The following GNPTAB variants were observed in gnomAD, a reference collection of about 807,000 sequenced individuals.
GNPTAB encodes N-acetylglucosamine-1-phosphate transferase subunits alpha and beta.
A neutral mutation model predicts 136.6 loss-of-function variants in GNPTAB; 92 were observed. The observed-to-expected ratio is 0.67, with a 90% CI of 0.57 to 0.80. GNPTAB has a LOEUF of 0.80. Among genes scored for constraint, GNPTAB ranks in the 30% least tolerant of loss-of-function variants. The probability of loss-of-function intolerance (pLI) is 0.00; values close to 1 mark genes in which losing one functional copy is unlikely to be tolerated. For synonymous variants in GNPTAB, 512 were observed against 535.1 expected (o/e 0.96, Z 0.60); for missense variants, 1,343 against 1,501.8 (o/e 0.89, Z 1.75).
chr12:101,747,472 A>G (rs145664114), intron 20 of GNPTAB, among the ~76,000 whole-genome samples: 5 of 152,318 alleles, frequency 3.3e-5, no homozygotes, highest in Non-Finnish European at 7.3e-5. Context: ...GAGACCCAAG[A>G]GGATTAAAAT....
At position 101,791,471 on chromosome 12, in the gene GNPTAB, A is replaced by T. The variant is rs76951154; in HGVS notation, c.204-1414T>A. Among the ~76,000 whole-genome samples, 643 of 151,790 alleles carry T rather than the reference A, an allele frequency of 4.2e-3. 7 individuals are homozygous for T. The East Asian group carries it at 0.044, about 10-fold the overall frequency. On this transcript the variant is annotated intron_variant, in intron 2 of 20. Coordinates refer to ENST00000299314, the MANE Select transcript of GNPTAB (RefSeq NM_024312.5). The stretch of plus-strand genomic sequence containing the variant: ...GATAGTTGATGAGCCAAAAAAAAAA[A>T]AATAATAAACCACGCAAAAAAAAAA...
chr12:101,759,069 T>C (rs897712213), intron 16 of GNPTAB, among the ~76,000 whole-genome samples: 70 of 152,020 alleles, frequency 4.6e-4, no homozygotes, highest in African/African-American at 1.5e-3. Flanking sequence ...AATTTTATTA[T>C]ATAAGAATTT....
chr12:101,780,295 A>G lies in GNPTAB; in HGVS notation c.637-9T>C, dbSNP rs1239682300. ...ACTTCTTTATCTGTTGTCTAAAATA[A>G]GGGGAAAAACATAACTCATTTTCCA... On this transcript the variant is annotated splice_polypyrimidine_tract_variant and intron_variant, in intron 6 of 20. Coordinates refer to ENST00000299314, the MANE Select transcript of GNPTAB (RefSeq NM_024312.5). The G allele has an allele frequency of 6.2e-7, 1 of 1,613,906 alleles. No individual in the cohort carries two copies. Among genetic ancestry groups the G allele is most frequent in the South Asian group, 1.1e-5 (1 of 91,068 alleles).
rs752425240 is a variant in GNPTAB, at chr12:101,800,016, C to T, written c.118-3254G>A. On this transcript the variant is annotated intron_variant, in intron 1 of 20. Transcript: ENST00000299314. The stretch of plus-strand genomic sequence containing the variant: ...TCTGACTTGTTTCCATACACTTGTA[C>T]GTGTACTTGAGTTTGTTGGACACTG... 9.9e-5 allele frequency among the ~76,000 whole-genome samples: 15 copies of T among 152,192 alleles called. No individual in the cohort carries two copies. The East Asian group carries it at 2.3e-3, about 23-fold the overall frequency.
intron 13 of GNPTAB, among the ~76,000 whole-genome samples, chr12:101,762,447 T>TA (rs1953012592): frequency 6.6e-6 from 1 of 152,228 alleles, no homozygotes; most frequent in Non-Finnish European, 1.5e-5. Context: ...AAGACATATT[T>TA]AAAGTTTATA....
At chr12:101,766,409 G>T in intron 11 of GNPTAB, 115 bp from the exon 12 acceptor site, 1 of 884,662 alleles carries the variant, frequency 1.1e-6, no homozygotes, top group South Asian at 1.4e-5. Context: ...AGGCAGAGGA[G>T]GCTGGATCAC....
intron 1 of GNPTAB, among the ~76,000 whole-genome samples, chr12:101,814,177 T>C (rs1275059905): frequency 6.6e-6 from 1 of 151,948 alleles, no homozygotes; most frequent in Non-Finnish European, 1.5e-5. Flanking sequence ...CATGAGCCTG[T>C]AGTCCCAGCT....
intron 7 of GNPTAB, among the ~76,000 whole-genome samples, chr12:101,772,652 G>A (rs372997075): frequency 1.3e-5 from 2 of 152,010 alleles, no homozygotes; most frequent in African/African-American, 2.4e-5. Flanking sequence ...CATATGTGCC[G>A]GGTGCTGGGA....
At position 101,824,405 on chromosome 12, in the gene GNPTAB, C is replaced by CATATATAT. The variant is rs373112951; in HGVS notation, c.117+6146_117+6153dup. Among the ~76,000 whole-genome samples, 192 of 47,802 alleles carry CATATATAT rather than the reference C, an allele frequency of 4.0e-3. 5 individuals are homozygous for CATATATAT. Among genetic ancestry groups the CATATATAT allele is most frequent in the African/African-American group, 0.015 (130 of 8,532 alleles). 31.4% of individuals were successfully genotyped at this position (47,802 alleles called of 152,430 possible). A position where few individuals can be genotyped will look rare whatever the true frequency, so the allele number is the denominator to read the frequency against. ...GATCCACTCCTGCCAGAAATTTCACCATATATATATATATATATATATATA... is the reference window on the plus strand; with the variant it reads ...GATCCACTCCTGCCAGAAATTTCACCATATATATATATATATATATATATATATATATA... On this transcript the variant is annotated intron_variant, in intron 1 of 20. Transcript: ENST00000299314.
intron 10 of GNPTAB, among the ~76,000 whole-genome samples, chr12:101,769,144 C>G (rs1185544305): frequency 6.6e-6 from 1 of 152,138 alleles, no homozygotes; most frequent in Non-Finnish European, 1.5e-5. Flanking sequence ...AAGTCTCTAA[C>G]TTATCACTGA....
intron 8 of GNPTAB, among the ~76,000 whole-genome samples, 177 bp from the exon 9 acceptor site, chr12:101,770,762 C>A (rs1280864606): frequency 2.0e-5 from 3 of 152,088 alleles, no homozygotes; most frequent in Non-Finnish European, 4.4e-5. Flanking sequence ...TATTTTTAAA[C>A]CCAAAATTCA....
intron 5 of GNPTAB, among the ~76,000 whole-genome samples, chr12:101,781,151 A>G (rs1461609144): frequency 1.3e-5 from 2 of 152,292 alleles, no homozygotes; most frequent in East Asian, 1.9e-4. Context: ...ATGGAGCATC[A>G]TAAGTCACAG....
intron 3 of GNPTAB, 61 bp from the exon 4 acceptor site, chr12:101,788,650 C>G (rs748876197): frequency 5.8e-6 from 5 of 868,176 alleles, no homozygotes; most frequent in Non-Finnish European, 1.0e-5. Context: ...CCCACTGTAA[C>G]CAAGACGGTT....
chr12:101,757,363 A>G, intron 17 of GNPTAB, 53 bp from the exon 18 acceptor site: 1 of 1,098,272 alleles, frequency 9.1e-7, no homozygotes, highest in Non-Finnish European at 1.4e-6. Flanking sequence ...GATATAAAAA[A>G]TAAAACTTCA....
intron 1 of GNPTAB, among the ~76,000 whole-genome samples, chr12:101,804,597 T>C (rs943886556): frequency 2.0e-5 from 3 of 152,188 alleles, no homozygotes; most frequent in African/African-American, 7.2e-5. Context: ...CCACAAGTCA[T>C]TATTTAAAAC....
intron 1 of GNPTAB, among the ~76,000 whole-genome samples, chr12:101,830,004 C>CAAAAAAA (rs35884808): frequency 2.9e-4 from 31 of 105,976 alleles, no homozygotes; most frequent in African/African-American, 4.2e-4. Flanking sequence ...AACCTCCTAC[C>CAAAAAAA]AAAAAAAAAA....
chr12:101,805,534 A>G (rs1869887520), intron 1 of GNPTAB, among the ~76,000 whole-genome samples: 1 of 152,126 alleles, frequency 6.6e-6, no homozygotes, highest in African/African-American at 2.4e-5. Context: ...AGCTGCGACT[A>G]CAGGTGCACA....
chr12:101,766,618 A>T (rs1419914016), intron 11 of GNPTAB, among the ~76,000 whole-genome samples: 1 of 152,230 alleles, frequency 6.6e-6, no homozygotes, highest in Non-Finnish European at 1.5e-5. Context: ...AGCCTGGGCA[A>T]CAAGAGTGAA....
At chr12:101,826,323 CA>C (rs966535941) in intron 1 of GNPTAB, among the ~76,000 whole-genome samples, 3 of 152,126 alleles carry the variant, frequency 2.0e-5, no homozygotes, top group African/African-American at 7.2e-5. Flanking sequence ...ACTTAGTGCA[CA>C]AAGGAAGTGA....
Sources: gnomAD v4.1 joint callset for allele counts (sites outside exome capture counted in the v4.1 genomes callset) on GRCh38, gnomAD v4.1.1 for gene constraint, MANE v1.5 for transcripts, NCBI Gene and HGNC (gene_info 2026-07-23, HGNC 2026-07-21) for gene names.